M1AP: variants seen among roughly 807,000 people sequenced by gnomAD.
M1AP encodes the protein meiosis 1 arrest protein.
Under a neutral mutation model 51.2 loss-of-function variants are expected in M1AP, and 39 were observed. The ratio of observed to expected loss-of-function variants is 0.76; its 90% CI spans 0.59 to 1.00. M1AP has a LOEUF of 1.00. Among genes scored for constraint, M1AP ranks in the 50% least tolerant of loss-of-function variants. M1AP has a pLI of 0.00. For synonymous variants in M1AP, 251 were observed against 249.2 expected (o/e 1.01, Z -0.07); for missense variants, 545 against 641.2 (o/e 0.85, Z 1.62).
intron 3 of M1AP, among the ~76,000 whole-genome samples, chr2:74,613,191 C>G (rs118062291): frequency 1.3e-5 from 2 of 152,170 alleles, no homozygotes; most frequent in Admixed American, 1.3e-4. Flanking sequence ...TTCATTCCGT[C>G]TGCTTTATCC....
At chr2:74,563,398 C>T (rs960820833) in intron 7 of M1AP, among the ~76,000 whole-genome samples, 1 of 151,696 alleles carries the variant, frequency 6.6e-6, no homozygotes, top group South Asian at 2.1e-4. Flanking sequence ...CAGGAGTTCT[C>T]GACCAGCCTG....
chr2:74,581,892 T>C, intron 4 of M1AP, 45 bp from the exon 5 acceptor site: 1 of 1,548,178 alleles, frequency 6.5e-7, no homozygotes, highest in Non-Finnish European at 8.8e-7. Flanking sequence ...ATTGTAAATT[T>C]TGAGTAATAT....
At chr2:74,597,534 A>C (rs554159876) in intron 4 of M1AP, among the ~76,000 whole-genome samples, 1 of 152,236 alleles carries the variant, frequency 6.6e-6, no homozygotes, top group East Asian at 1.9e-4. Flanking sequence ...TTTATCTTCT[A>C]TGTTTGGGTT....
chr2:74,562,170 C>A, intron 8 of M1AP, 47 bp downstream of exon 8: 1 of 1,552,654 alleles, frequency 6.4e-7, no homozygotes, highest in Non-Finnish European at 8.7e-7. Context: ...CTTTCTCAAA[C>A]TCCATTCGCT....
At chr2:74,570,867 T>G (rs1272277604) in intron 7 of M1AP, among the ~76,000 whole-genome samples, 1 of 152,106 alleles carries the variant, frequency 6.6e-6, no homozygotes, top group Non-Finnish European at 1.5e-5. Context: ...CTGAATCAGA[T>G]TAATCAAAAG....
intron 2 of M1AP, chr2:74,619,031 C>T (rs1681849638): frequency 2.0e-6 from 1 of 499,466 alleles, no homozygotes; most frequent in East Asian, 5.6e-5. Context: ...ACTTCATCGG[C>T]AGGAAAAAGG....
intron 4 of M1AP, among the ~76,000 whole-genome samples, chr2:74,584,634 C>A (rs1246454442): frequency 1.3e-5 from 2 of 151,074 alleles, no homozygotes; most frequent in Non-Finnish European, 3.0e-5. Flanking sequence ...GGGAGCAATG[C>A]AAAGCCATGT....
At chr2:74,591,526 G>C (rs1442957908) in intron 4 of M1AP, among the ~76,000 whole-genome samples, 1 of 152,200 alleles carries the variant, frequency 6.6e-6, no homozygotes, top group African/African-American at 2.4e-5. Context: ...TGGTGGGGGA[G>C]GGAGCAGGGG....
chr2:74,634,089 A>T (rs1682843491), intron 2 of M1AP, among the ~76,000 whole-genome samples: 1 of 152,356 alleles, frequency 6.6e-6, no homozygotes, highest in South Asian at 2.1e-4. Context: ...ATCAATAAGC[A>T]AACATATTAG....
chr2:74,636,961 T>C (rs1012891466), intron 2 of M1AP, among the ~76,000 whole-genome samples: 1 of 152,158 alleles, frequency 6.6e-6, no homozygotes, highest in Non-Finnish European at 1.5e-5. Context: ...TGGCATTCAT[T>C]GATTTCTTAA....
intron 2 of M1AP, among the ~76,000 whole-genome samples, chr2:74,619,791 T>G (rs1681896804): frequency 6.6e-6 from 1 of 152,158 alleles, no homozygotes; most frequent in African/African-American, 2.4e-5. Context: ...GATTAAGACT[T>G]GCACAGTGCC....
chr2:74,640,207 C>T lies in M1AP; in HGVS notation c.69G>A (p.Arg23=). The change falls in exon 2 of 11, where the codon CGG becomes CGA. Residue 23 remains arginine, a synonymous_variant. Transcript: ENST00000421985. ...THTQIDQQPP[R]LLIVHIALPS... ...GTAGAGCAATGTGCACAATGAGAAG[C>T]CGTGGAGGTTGCTGGTCAATCTGAG... is the stretch of plus-strand genomic sequence containing the variant. 6.2e-7 allele frequency: 1 copy of T among 1,614,066 alleles called. No individual in the cohort carries two copies. The highest frequency in any genetic ancestry group is 8.5e-7 in the Non-Finnish European group (1 of 1,180,008).
chr2:74,642,540 A>C (rs1683355015), intron 1 of M1AP, among the ~76,000 whole-genome samples: 1 of 152,246 alleles, frequency 6.6e-6, no homozygotes, highest in South Asian at 2.1e-4. Context: ...TGATATGTTG[A>C]AAGCTTTCCA....
intron 2 of M1AP, among the ~76,000 whole-genome samples, chr2:74,634,960 A>G (rs928790967): frequency 6.6e-6 from 1 of 151,846 alleles, no homozygotes; most frequent in African/African-American, 2.4e-5. Context: ...CTTTTTTTGT[A>G]CCACCTTAGT....
intron 3 of M1AP, among the ~76,000 whole-genome samples, chr2:74,612,643 A>T (rs2104728515): frequency 6.6e-6 from 1 of 152,080 alleles, no homozygotes; most frequent in South Asian, 2.1e-4. Flanking sequence ...TTTTTGATGT[A>T]GGCGTTTATT....
chr2:74,640,961 T>G (rs1003854394), intron 1 of M1AP, among the ~76,000 whole-genome samples: 3 of 152,270 alleles, frequency 2.0e-5, no homozygotes, highest in Non-Finnish European at 2.9e-5. Flanking sequence ...TTTCTATGAC[T>G]GCCTCTCCCA....
At chr2:74,584,633 G>A (rs188038858) in intron 4 of M1AP, among the ~76,000 whole-genome samples, 3 of 151,330 alleles carry the variant, frequency 2.0e-5, no homozygotes, top group African/African-American at 7.2e-5. Flanking sequence ...AGGGAGCAAT[G>A]CAAAGCCATG....
chr2:74,597,478 C>G (rs1339637499), intron 4 of M1AP, among the ~76,000 whole-genome samples: 4 of 152,270 alleles, frequency 2.6e-5, no homozygotes, highest in Non-Finnish European at 2.9e-5. Flanking sequence ...GCTACCCACC[C>G]CACCCCCAGC....
intron 1 of M1AP, among the ~76,000 whole-genome samples, chr2:74,642,020 T>C (rs1683326143): frequency 6.6e-6 from 1 of 151,652 alleles, no homozygotes; most frequent in African/African-American, 2.4e-5. Context: ...TAGTTTTGTA[T>C]TTTTAGTAGA....
Sources: allele counts gnomAD v4.1 joint callset (sites outside exome capture counted in the v4.1 genomes callset), GRCh38; gene constraint gnomAD v4.1.1; transcripts MANE v1.5; gene names NCBI Gene and HGNC (gene_info 2026-07-23, HGNC 2026-07-21).